Variants in CASD1 observed in about 807,000 individuals in gnomAD.
CASD1 encodes the protein N-acetylneuraminate (7)9-O-acetyltransferase.
CASD1 carries 41 observed loss-of-function variants against 100.0 expected under a neutral mutation model. That is an observed-to-expected ratio of 0.41 (90% CI 0.32 to 0.53). The LOEUF is 0.53. Among genes scored for constraint, CASD1 ranks in the 20% least tolerant of loss-of-function variants. CASD1 has a pLI of 0.25. For synonymous variants in CASD1, 321 were observed against 315.6 expected (o/e 1.02, Z -0.18); for missense variants, 774 against 948.7 (o/e 0.82, Z 2.42).
the CASD1 span, among the ~76,000 whole-genome samples, chr7:94,595,480 G>T: frequency 6.6e-6 from 1 of 152,232 alleles, no homozygotes; most frequent in African/African-American, 2.4e-5. Flanking sequence ...AGTACACTTA[G>T]TATGAATGTG....
intron 10 of CASD1, among the ~76,000 whole-genome samples, chr7:94,542,614 C>CG (rs1795466348): frequency 6.6e-6 from 1 of 152,074 alleles, no homozygotes; most frequent in African/African-American, 2.4e-5. Context: ...AACTTGGTAG[C>CG]TTTTACGTAT....
chr7:94,532,661 C>T (rs1794906757), intron 5 of CASD1, among the ~76,000 whole-genome samples: 1 of 152,148 alleles, frequency 6.6e-6, no homozygotes, highest in Non-Finnish European at 1.5e-5. Flanking sequence ...GGGGGAAATA[C>T]TCTAATTTGC....
intron 8 of CASD1, among the ~76,000 whole-genome samples, chr7:94,536,230 G>A (rs1259915002): frequency 1.3e-5 from 2 of 152,108 alleles, no homozygotes; most frequent in Non-Finnish European, 2.9e-5. Flanking sequence ...GTGACAGAGA[G>A]AGACTCCATC....
At chr7:94,585,560 T>A in the CASD1 span, 1 of 1,351,402 alleles carries the variant, frequency 7.4e-7, no homozygotes, top group Non-Finnish European at 1.1e-6. Context: ...AGTCAGGGCA[T>A]GGATACTTTT....
chr7:94,569,104 G>A, the CASD1 span, among the ~76,000 whole-genome samples: 309 of 152,256 alleles, frequency 2.0e-3, 1 homozygote, highest in African/African-American at 7.2e-3. Flanking sequence ...TGGCAGGACA[G>A]CACAGATGCA....
chr7:94,608,349 T>C, the CASD1 span, among the ~76,000 whole-genome samples: 1 of 151,938 alleles, frequency 6.6e-6, no homozygotes, highest in Non-Finnish European at 1.5e-5. Flanking sequence ...TACTTAAATA[T>C]AAATATAAGT....
chr7:94,537,640 C>T lies in CASD1; in HGVS notation c.1012C>T (p.His338Tyr), dbSNP rs1362220431. The T allele has an allele frequency of 1.1e-5, 18 of 1,613,782 alleles. No homozygotes were observed. Among genetic ancestry groups the T allele is most frequent in the Middle Eastern group, 1.6e-4 (1 of 6,062 alleles). Reference protein sequence around the residue: ...LIFYIIHRNAHRKNKPCTDLE... With the variant: ...LIFYIIHRNAYRKNKPCTDLE... The stretch of plus-strand genomic sequence containing the variant: ...TTTTTACATAATTCATCGTAATGCT[C>T]ATCGGAAGAATAAGCCGTGTACTGA... The change falls in exon 9 of 18, where the codon CAT (histidine) becomes TAT (tyrosine). Residue 338 changes from histidine to tyrosine, a missense_variant. His to Tyr is a moderately conservative substitution (Grantham distance 83). This residue lies in a region of CASD1 where 453 missense variants were observed against 532.6 expected (regional missense o/e 0.85). Coordinates refer to ENST00000297273, the MANE Select transcript of CASD1 (RefSeq NM_022900.5).
chr7:94,565,830 T>C, the CASD1 span, among the ~76,000 whole-genome samples: 4 of 152,174 alleles, frequency 2.6e-5, no homozygotes, highest in African/African-American at 9.7e-5. Context: ...CAGAATCATA[T>C]GTGCAATACA....
the CASD1 span, among the ~76,000 whole-genome samples, chr7:94,583,306 C>T: frequency 6.6e-6 from 1 of 152,164 alleles, no homozygotes; most frequent in East Asian, 1.9e-4. Context: ...GCCATTGGCA[C>T]TTCTGTCTAA....
chr7:94,512,083 T>C (rs79178635), intron 1 of CASD1, among the ~76,000 whole-genome samples: 1,830 of 152,300 alleles, frequency 0.012, 31 homozygotes, highest in African/African-American at 0.042. Flanking sequence ...TTTGGCAGTA[T>C]CAAACTGAGT....
chr7:94,600,727 A>G, the CASD1 span: 2 of 1,613,878 alleles, frequency 1.2e-6, no homozygotes, highest in Non-Finnish European at 1.7e-6. Context: ...AGCCAGTGTA[A>G]TTAGGAAATC....
Position 94,537,868 on chromosome 7 carries a change from G to A in CASD1, c.1240G>A (p.Val414Ile). 6.6e-7 allele frequency: 1 copy of A among 1,520,342 alleles called. No homozygotes were observed. Among genetic ancestry groups the A allele is most frequent in the East Asian group, 2.3e-5 (1 of 44,314 alleles). The allele number at this position is 1,520,342 out of a possible 1,614,324, so 94.2% of individuals were successfully genotyped here. Residue 414 changes from valine to isoleucine, a missense_variant, in exon 9 of 18, where the codon GTA becomes ATA. Physicochemically the swap from Val to Ile is conservative, Grantham distance 29. Coordinates refer to ENST00000297273, the MANE Select transcript of CASD1 (RefSeq NM_022900.5). ...IPIIYILVLG[V>I]FYNENTKETK... is the part of the protein sequence containing the mutation. ...AATTATCTACATTTTGGTTTTGGGA[G>A]TATTTTATAATGAAAATACTAAAGA...
At chr7:94,623,224 T>C in the CASD1 span, 103 of 676,006 alleles carry the variant, frequency 1.5e-4, 3 homozygotes, top group South Asian at 2.0e-3. Flanking sequence ...TTATATTAGG[T>C]ATGTGGCATT....
At chr7:94,542,245 G>A (rs914128658) in intron 10 of CASD1, among the ~76,000 whole-genome samples, 2 of 152,164 alleles carry the variant, frequency 1.3e-5, no homozygotes, top group African/African-American at 4.8e-5. Context: ...AGATATAAGA[G>A]TGAGTTAGCT....
At chr7:94,629,516 T>C in the CASD1 span, 8 of 507,286 alleles carry the variant, frequency 1.6e-5, no homozygotes, top group Non-Finnish European at 2.5e-5. Flanking sequence ...AGAAATATGC[T>C]TTCCTTAACA....
the CASD1 span, chr7:94,623,896 A>C: frequency 2.8e-6 from 1 of 359,776 alleles, no homozygotes; most frequent in Non-Finnish European, 4.9e-6. Flanking sequence ...TGGAAATCAT[A>C]TCTCACTTAC....
At chr7:94,610,011 A>G in the CASD1 span, among the ~76,000 whole-genome samples, 1 of 152,336 alleles carries the variant, frequency 6.6e-6, no homozygotes, top group South Asian at 2.1e-4. Flanking sequence ...AGAAAATGGA[A>G]TATTATTCAG....
At chr7:94,629,201 T>A in the CASD1 span, 1 of 152,976 alleles carries the variant, frequency 6.5e-6, no homozygotes, top group Non-Finnish European at 1.5e-5. Context: ...AAATAACATA[T>A]TTAAACCAAT....
chr7:94,544,725 T>C (rs1795592996), intron 11 of CASD1, among the ~76,000 whole-genome samples, 195 bp downstream of exon 11: 1 of 152,126 alleles, frequency 6.6e-6, no homozygotes, highest in African/African-American at 2.4e-5. Context: ...AAGGAAAATA[T>C]AATTTAATAT....
Sources: gnomAD v4.1 joint callset for allele counts (sites outside exome capture counted in the v4.1 genomes callset) on GRCh38, gnomAD v4.1.1 for gene constraint, gnomAD v4.1.1 regional missense constraint, MANE v1.5 for transcripts, NCBI Gene and HGNC (gene_info 2026-07-23, HGNC 2026-07-21) for gene names.